Variants in RIN2 observed in about 807,000 individuals in gnomAD.
The protein encoded by RIN2 is RAB5 interacting protein 2.
Under a neutral mutation model 78.0 loss-of-function variants are expected in RIN2, and 36 were observed. That is an observed-to-expected ratio of 0.46 (90% CI 0.35 to 0.61). The LOEUF (loss-of-function observed/expected upper bound fraction) is 0.61, where lower values mean the gene tolerates loss of function less well. RIN2 is among the 20% of genes least tolerant of loss of function. The pLI, the probability that RIN2 is intolerant of heterozygous loss-of-function variation, is 0.00. For missense variants in RIN2, 1,087 were observed against 1,159.7 expected (o/e 0.94, Z 0.91); for synonymous variants, 466 against 466.8 (o/e 1.00, Z 0.02).
chr20:19,800,090 G>C (rs2035192680), intron 2 of RIN2, among the ~76,000 whole-genome samples: 2 of 152,180 alleles, frequency 1.3e-5, no homozygotes, highest in Non-Finnish European at 2.9e-5. Context: ...CCACCACGAG[G>C]TGGGCACTGC....
chr20:19,897,756 G>C (rs913857016), intron 3 of RIN2, among the ~76,000 whole-genome samples: 2 of 151,534 alleles, frequency 1.3e-5, no homozygotes, highest in African/African-American at 4.9e-5. Context: ...CTGTTGCCCA[G>C]GCTGGAGGGC....
chr20:19,966,499 T>G (rs2041943839), intron 7 of RIN2, among the ~76,000 whole-genome samples: 1 of 152,076 alleles, frequency 6.6e-6, no homozygotes, highest in Non-Finnish European at 1.5e-5. Context: ...AATTTTTGTA[T>G]TTTTAGTAGA....
At chr20:19,923,012 C>T (rs2039990558) in intron 3 of RIN2, among the ~76,000 whole-genome samples, 2 of 152,190 alleles carry the variant, frequency 1.3e-5, no homozygotes, top group South Asian at 4.1e-4. Context: ...TCCTTTTAAG[C>T]TTGAGGAAAT....
At chr20:19,996,156 A>G (rs1422610552) in intron 11 of RIN2, among the ~76,000 whole-genome samples, 3 of 152,156 alleles carry the variant, frequency 2.0e-5, no homozygotes, top group East Asian at 3.9e-4. Flanking sequence ...TCTACTAAAA[A>G]TACAAAAATT....
At chr20:19,877,182 CT>C (rs1340492401) in intron 2 of RIN2, among the ~76,000 whole-genome samples, 1 of 152,134 alleles carries the variant, frequency 6.6e-6, no homozygotes, top group East Asian at 1.9e-4. Context: ...AGAGGGATGC[CT>C]TGTTTTACCA....
At chr20:19,810,541 G>A (rs13041670) in intron 2 of RIN2, among the ~76,000 whole-genome samples, 20,669 of 152,088 alleles carry the variant, frequency 0.14, 1,829 homozygotes, top group African/African-American at 0.25. Flanking sequence ...GCCAAGTTCT[G>A]AATGCCCAGA....
chr20:19,863,242 A>C (rs1257437531), intron 2 of RIN2, among the ~76,000 whole-genome samples: 1 of 152,190 alleles, frequency 6.6e-6, no homozygotes, highest in East Asian at 1.9e-4. Flanking sequence ...TAGGAACATT[A>C]TTTAACACGT....
chr20:19,956,296 A>G (rs527531488), intron 4 of RIN2, among the ~76,000 whole-genome samples: 17 of 152,076 alleles, frequency 1.1e-4, no homozygotes, highest in Middle Eastern at 6.8e-3. Context: ...AAAGAAAAAA[A>G]GAAATGTTTT....
chr20:19,986,129 A>G (rs1318965753), intron 9 of RIN2, among the ~76,000 whole-genome samples: 1 of 152,190 alleles, frequency 6.6e-6, no homozygotes, highest in Non-Finnish European at 1.5e-5. Flanking sequence ...AATGTGACCA[A>G]TTTGTTCTTT....
At chr20:19,778,858 CTG>C (rs1223070610) in intron 1 of RIN2, among the ~76,000 whole-genome samples, 2 of 152,146 alleles carry the variant, frequency 1.3e-5, no homozygotes, top group South Asian at 2.1e-4. Flanking sequence ...GTGCCTGGGA[CTG>C]TATTCCTGGC....
chr20:19,779,736 G>T (rs1179249041), intron 1 of RIN2, among the ~76,000 whole-genome samples: 7 of 152,144 alleles, frequency 4.6e-5, no homozygotes, highest in African/African-American at 1.7e-4. Context: ...AAGACTTTCA[G>T]TGGTTAGACA....
At chr20:19,988,641 G>T (rs1006483522) in intron 9 of RIN2, among the ~76,000 whole-genome samples, 1 of 152,098 alleles carries the variant, frequency 6.6e-6, no homozygotes, top group Non-Finnish European at 1.5e-5. Flanking sequence ...TTATGGTACT[G>T]GTCATTTTAG....
chr20:19,969,649 G>A (rs777296028), intron 7 of RIN2, among the ~76,000 whole-genome samples: 12 of 152,098 alleles, frequency 7.9e-5, no homozygotes, highest in South Asian at 4.1e-4. Flanking sequence ...AGGAACTTCC[G>A]TCTGTTTCGT....
chr20:19,797,144 G>A (rs900176013), intron 1 of RIN2, among the ~76,000 whole-genome samples: 1 of 152,160 alleles, frequency 6.6e-6, no homozygotes, highest in African/African-American at 2.4e-5. Flanking sequence ...GCAGGGCACT[G>A]GAGTCTGCTG....
intron 2 of RIN2, chr20:19,823,876 C>T: frequency 6.2e-7 from 1 of 1,604,404 alleles, no homozygotes; most frequent in Non-Finnish European, 8.5e-7. Context: ...AGAAGTGGCA[C>T]CGACTTCACC....
At chr20:19,849,916 T>A (rs2036908111) in intron 2 of RIN2, among the ~76,000 whole-genome samples, 1 of 152,116 alleles carries the variant, frequency 6.6e-6, no homozygotes. Context: ...AAGATCGAAA[T>A]TTTCCCTCTT....
intron 2 of RIN2, among the ~76,000 whole-genome samples, chr20:19,859,520 C>T (rs1432427118): frequency 6.6e-6 from 1 of 152,224 alleles, no homozygotes. Flanking sequence ...CAATTCTTAT[C>T]TTTCTTGCCC....
At chr20:19,812,960 G>A (rs947462672) in intron 2 of RIN2, among the ~76,000 whole-genome samples, 1 of 152,342 alleles carries the variant, frequency 6.6e-6, no homozygotes, top group Admixed American at 6.5e-5. Flanking sequence ...CTTTGGGTCT[G>A]ATCAAGAGTC....
chr20:19,783,476 C>G (rs1460662031), intron 1 of RIN2, among the ~76,000 whole-genome samples: 1 of 124,986 alleles, frequency 8.0e-6, no homozygotes, highest in Non-Finnish European at 1.7e-5. Flanking sequence ...GGGGACCCAG[C>G]TGGGGCTGTC....
Sources: gnomAD v4.1 joint callset for allele counts (sites outside exome capture counted in the v4.1 genomes callset) on GRCh38, gnomAD v4.1.1 for gene constraint, MANE v1.5 for transcripts, NCBI Gene and HGNC (gene_info 2026-07-23, HGNC 2026-07-21) for gene names.